GNAO1: variants seen among roughly 807,000 people sequenced by gnomAD.
The protein encoded by GNAO1 is G protein subunit alpha o1.
For missense variants in GNAO1, 166 were observed against 478.7 expected (o/e 0.35, Z 6.10); for synonymous variants, 164 against 180.7 (o/e 0.91, Z 0.74).
intron 3 of GNAO1, among the ~76,000 whole-genome samples, chr16:56,279,593 C>T (rs1030637629): frequency 5.9e-5 from 9 of 152,164 alleles, no homozygotes. Flanking sequence ...TCATCTTGTC[C>T]ATGAAGCCTC....
In GNAO1 at chr16:56,192,226, A is replaced by C; in HGVS notation, c.-10A>C. The C allele has an allele frequency of 1.4e-6, 2 of 1,475,428 alleles. No individual in the cohort carries two copies. Among genetic ancestry groups the C allele is most frequent in the Non-Finnish European group, 9.4e-7 (1 of 1,064,938 alleles). 91.4% of individuals were successfully genotyped at this position (1,475,428 alleles called of 1,614,324 possible). ...CGAGTCGTGCGGGCTGTGGCAGGGA[A>C]GGGGCCACCATGGGATGTACTCTGA... is the stretch of plus-strand genomic sequence containing the variant. On this transcript the variant is annotated 5_prime_UTR_variant, in exon 1 of 9. Transcript: ENST00000262493.
chr16:56,241,771 G>T (rs2036696360), intron 2 of GNAO1, among the ~76,000 whole-genome samples: 1 of 152,206 alleles, frequency 6.6e-6, no homozygotes, highest in South Asian at 2.1e-4. Flanking sequence ...GCAGTCCAGT[G>T]TCCCTTCGTG....
intron 3 of GNAO1, among the ~76,000 whole-genome samples, chr16:56,292,271 G>A (rs1332193680): frequency 2.0e-5 from 3 of 152,124 alleles, no homozygotes; most frequent in Non-Finnish European, 4.4e-5. Context: ...TGGATGCCTC[G>A]CAGGCATGGA....
chr16:56,311,911 G>A lies in GNAO1; in HGVS notation c.304-16720G>A, dbSNP rs72814453. Among the ~76,000 whole-genome samples the A allele has an allele frequency of 5.3e-5, 8 of 152,268 alleles. No homozygotes were observed. In the South Asian group the frequency reaches 6.2e-4, roughly 12 times the overall value. ...TACACCTGTCACCATCCCACCTGCC[G>A]CATGTAAACACTACCAGCATCAACA... On this transcript the variant is annotated intron_variant, in intron 3 of 8. Coordinates refer to ENST00000262493, the MANE Select transcript of GNAO1 (RefSeq NM_020988.3). This position sits in a 1 kb window ranked among gnomAD's most constrained non-coding sequence, Gnocchi z 5.2.
intron 3 of GNAO1, among the ~76,000 whole-genome samples, chr16:56,323,755 G>A (rs555588035): frequency 6.6e-6 from 1 of 152,232 alleles, no homozygotes; most frequent in South Asian, 2.1e-4. Flanking sequence ...GAGAATTGAT[G>A]TTAATAGGAA....
chr16:56,228,458 T>G (rs2036555912), intron 2 of GNAO1, among the ~76,000 whole-genome samples: 1 of 150,942 alleles, frequency 6.6e-6, no homozygotes, highest in Non-Finnish European at 1.5e-5. Flanking sequence ...TACATATATA[T>G]TTATTTATTT....
At chr16:56,208,401 T>C (rs1451687149) in intron 2 of GNAO1, among the ~76,000 whole-genome samples, 3 of 151,628 alleles carry the variant, frequency 2.0e-5, no homozygotes, top group Non-Finnish European at 4.4e-5. Context: ...GGAGCAGTTA[T>C]AAAAGATGCT....
chr16:56,290,747 GCA>G (rs1567471391), intron 3 of GNAO1, among the ~76,000 whole-genome samples: 3 of 152,140 alleles, frequency 2.0e-5, no homozygotes, highest in African/African-American at 7.2e-5. Flanking sequence ...TCCAGGCAAG[GCA>G]CAGAGGCAAG....
intron 2 of GNAO1, among the ~76,000 whole-genome samples, chr16:56,229,909 G>C (rs1306910419): frequency 6.6e-6 from 1 of 152,190 alleles, no homozygotes; most frequent in Non-Finnish European, 1.5e-5. Context: ...TTTTGTGGAA[G>C]AAGATGGTGA....
chr16:56,275,909 GGT>G lies in GNAO1; in HGVS notation c.162-14_162-13del. On this transcript the variant is annotated intron_variant, in intron 2 of 8. Coordinates refer to ENST00000262493, the MANE Select transcript of GNAO1 (RefSeq NM_020988.3). ...TGAGGACAATGCTCTCATCAGGTGT[GGT>G]GTGTGTGGTTTTTCTCTAGGATCAT... is the stretch of plus-strand genomic sequence containing the variant. The G allele has an allele frequency of 1.2e-6, 2 of 1,606,182 alleles. No homozygotes were observed. Among genetic ancestry groups the G allele is most frequent in the South Asian group, 1.1e-5 (1 of 89,430 alleles).
At chr16:56,327,500 G>C (rs1048653494) in intron 3 of GNAO1, among the ~76,000 whole-genome samples, 7 of 152,094 alleles carry the variant, frequency 4.6e-5, no homozygotes, top group African/African-American at 1.7e-4. Flanking sequence ...TTCTGAGGAC[G>C]GAGTGTGTTC....
Position 56,274,109 on chromosome 16 carries a change from G to T in GNAO1, c.162-1822G>T, listed in dbSNP as rs114282871. Among the ~76,000 whole-genome samples the T allele has an allele frequency of 6.8e-3, 1,035 of 152,244 alleles. 14 individuals are homozygous for T. Among genetic ancestry groups the T allele is most frequent in the African/African-American group, 0.024 (1,000 of 41,530 alleles). On this transcript the variant is annotated intron_variant, in intron 2 of 8. Coordinates refer to ENST00000262493, the MANE Select transcript of GNAO1 (RefSeq NM_020988.3). ...TTTTTCTCTTCAGCTCAGTGAAATG[G>T]CTGTGTTCTGCCTGGGTTCCCTCCT...
chr16:56,204,827 T>C (rs1332747884), intron 2 of GNAO1, among the ~76,000 whole-genome samples: 1 of 152,312 alleles, frequency 6.6e-6, no homozygotes, highest in Admixed American at 6.5e-5. Context: ...TTTAGCTTGA[T>C]GGTCCCCAGG....
chr16:56,239,003 A>C (rs1416143946), intron 2 of GNAO1, among the ~76,000 whole-genome samples: 1 of 152,334 alleles, frequency 6.6e-6, no homozygotes, highest in African/African-American at 2.4e-5. Context: ...ATTGCATATC[A>C]CTTTATGCCC....
At chr16:56,224,416 C>T (rs2036516700) in intron 2 of GNAO1, among the ~76,000 whole-genome samples, 1 of 152,174 alleles carries the variant, frequency 6.6e-6, no homozygotes, top group African/African-American at 2.4e-5. Context: ...CACTCATGCC[C>T]ATGTTAATAC....
At chr16:56,267,605 T>C (rs576928159) in intron 2 of GNAO1, among the ~76,000 whole-genome samples, 4 of 152,302 alleles carry the variant, frequency 2.6e-5, no homozygotes, top group Admixed American at 6.5e-5. Context: ...CACTGCTGTT[T>C]CCTGAGAGGC....
At chr16:56,262,312 CAG>C (rs1349205042) in intron 2 of GNAO1, among the ~76,000 whole-genome samples, 4 of 152,244 alleles carry the variant, frequency 2.6e-5, no homozygotes, top group African/African-American at 9.6e-5. Context: ...CACAGGCTGT[CAG>C]AGCCCCACCT....
chr16:56,315,503 G>A (rs1463203492), intron 3 of GNAO1, among the ~76,000 whole-genome samples: 1 of 152,164 alleles, frequency 6.6e-6, no homozygotes, highest in Admixed American at 6.5e-5. Flanking sequence ...GTGCCTGCTT[G>A]GTGGTGCAGC....
chr16:56,252,795 T>C (rs1278641856), intron 2 of GNAO1, among the ~76,000 whole-genome samples: 1 of 152,196 alleles, frequency 6.6e-6, no homozygotes, highest in East Asian at 1.9e-4. Flanking sequence ...CAGCTGTTCC[T>C]TCTTGTGGGC....
Sources: gnomAD v4.1 joint callset for allele counts (sites outside exome capture counted in the v4.1 genomes callset) on GRCh38, gnomAD v4.1.1 for gene constraint, Gnocchi (gnomAD v3.1) non-coding constraint, MANE v1.5 for transcripts, NCBI Gene and HGNC (gene_info 2026-07-23, HGNC 2026-07-21) for gene names.